Variants in POU2AF3 observed in about 807,000 individuals in gnomAD.
POU2AF3 encodes the protein POU class 2 homeobox associating factor 3, also known as cancer susceptibility candidate 13.
the POU2AF3 span, chr11:111,308,683 T>G: frequency 3.0e-6 from 1 of 337,802 alleles, no homozygotes; most frequent in South Asian, 1.1e-4. Flanking sequence ...ACTTTTTGTA[T>G]AACGAACAAA....
chr11:111,308,019 A>G, the POU2AF3 span: 1 of 1,447,394 alleles, frequency 6.9e-7, no homozygotes, highest in Non-Finnish European at 9.1e-7. Context: ...CAGTTCTTTG[A>G]TCCTGTCTAA....
At chr11:111,299,959 G>A in the POU2AF3 span, 2 of 402,184 alleles carry the variant, frequency 5.0e-6, no homozygotes, top group Non-Finnish European at 8.7e-6. Flanking sequence ...CTCCCGGGCT[G>A]GCTTCCAGAC....
At chr11:111,308,208 C>T in the POU2AF3 span, 5 of 1,551,844 alleles carry the variant, frequency 3.2e-6, no homozygotes, top group Middle Eastern at 1.7e-4. Flanking sequence ...GGCTACCCCC[C>T]AGAAGACCAT....
At chr11:111,307,321 C>T in the POU2AF3 span, among the ~76,000 whole-genome samples, 1 of 151,766 alleles carries the variant, frequency 6.6e-6, no homozygotes, top group African/African-American at 2.4e-5. Context: ...TTTTGTAAAC[C>T]TTAAATTGTA....
the POU2AF3 span, among the ~76,000 whole-genome samples, chr11:111,301,340 A>G: frequency 6.6e-6 from 1 of 152,222 alleles, no homozygotes; most frequent in Non-Finnish European, 1.5e-5. Flanking sequence ...GTTATTGCCC[A>G]AGAGAGGGCA....
At chr11:111,303,719 A>T in the POU2AF3 span, among the ~76,000 whole-genome samples, 1 of 152,292 alleles carries the variant, frequency 6.6e-6, no homozygotes, top group South Asian at 2.1e-4. Context: ...CGTTTTCAAA[A>T]TTAATACTGC....
At chr11:111,301,384 C>CT in the POU2AF3 span, among the ~76,000 whole-genome samples, 33 of 152,170 alleles carry the variant, frequency 2.2e-4, no homozygotes, top group South Asian at 4.1e-4. Context: ...CATACAATTG[C>CT]TTGGGGGTTG....
chr11:111,300,314 T>C, the POU2AF3 span: 2 of 331,008 alleles, frequency 6.0e-6, no homozygotes, highest in African/African-American at 2.1e-5. Flanking sequence ...CCACGGATTC[T>C]TTTCCTACTG....
At chr11:111,306,651 T>C in the POU2AF3 span, 1 of 1,481,034 alleles carries the variant, frequency 6.8e-7, no homozygotes, top group Non-Finnish European at 9.2e-7. Context: ...TTTATATACC[T>C]GATTGTGTCT....
At chr11:111,300,469 T>C in the POU2AF3 span, 5 of 880,862 alleles carry the variant, frequency 5.7e-6, no homozygotes, top group Non-Finnish European at 7.5e-6. Flanking sequence ...GGGCCCCCAC[T>C]CTGCACCCTG....
the POU2AF3 span, chr11:111,300,116 G>C: frequency 2.6e-6 from 1 of 383,626 alleles, no homozygotes. Context: ...CCCTGCCCCA[G>C]GCCTGGCCCC....
the POU2AF3 span, chr11:111,306,360 A>T: frequency 2.3e-6 from 3 of 1,288,858 alleles, no homozygotes; most frequent in Non-Finnish European, 3.1e-6. Context: ...TGCAATTTTT[A>T]TGCAAAAACC....
chr11:111,298,792 C>T, the POU2AF3 span: 3 of 1,190,778 alleles, frequency 2.5e-6, no homozygotes, highest in Non-Finnish European at 3.1e-6. Flanking sequence ...GCCCAGAGGC[C>T]GAGTTGGCCG....
the POU2AF3 span, among the ~76,000 whole-genome samples, chr11:111,307,611 C>T: frequency 5.6e-4 from 86 of 152,334 alleles, no homozygotes; most frequent in African/African-American, 2.0e-3. Context: ...CACATCTTGG[C>T]ATATGCCAGG....
At chr11:111,300,486 A>G in the POU2AF3 span, 4 of 1,075,836 alleles carry the variant, frequency 3.7e-6, no homozygotes, top group South Asian at 4.8e-5. Context: ...CCTGGCACCC[A>G]GACCTTGGAC....
the POU2AF3 span, among the ~76,000 whole-genome samples, chr11:111,304,044 T>C: frequency 1.2e-4 from 19 of 152,210 alleles, no homozygotes; most frequent in Non-Finnish European, 2.2e-4. Flanking sequence ...CTTTTATAGA[T>C]AGTAGTACAA....
chr11:111,298,580 C>T, the POU2AF3 span: 1 of 1,246,598 alleles, frequency 8.0e-7, no homozygotes, highest in Non-Finnish European at 1.0e-6. Flanking sequence ...CTGCTGACCA[C>T]GATGTCGGGT....
At chr11:111,299,001 G>A in the POU2AF3 span, 1 of 997,264 alleles carries the variant, frequency 1.0e-6, no homozygotes, top group Non-Finnish European at 1.2e-6. Flanking sequence ...GGACCCCGAG[G>A]GGCGCCCGCT....
the POU2AF3 span, chr11:111,300,217 C>G: frequency 3.1e-6 from 1 of 323,720 alleles, no homozygotes; most frequent in Non-Finnish European, 5.6e-6. Context: ...CTCCGCTGCA[C>G]TGGTCTCCAT....
Sources: allele counts gnomAD v4.1 joint callset (sites outside exome capture counted in the v4.1 genomes callset), GRCh38; gene constraint gnomAD v4.1.1; transcripts MANE v1.5; gene names NCBI Gene and HGNC (gene_info 2026-07-23, HGNC 2026-07-21).